The following SV2C variants were observed in gnomAD, a reference collection of about 807,000 sequenced individuals.
SV2C encodes synaptic vesicle glycoprotein 2C.
SV2C carries 49 observed loss-of-function variants against 79.7 expected under a neutral mutation model. That is an observed-to-expected ratio of 0.61 (90% CI 0.49 to 0.78). SV2C has a LOEUF of 0.78. Among genes scored for constraint, SV2C ranks in the 30% least tolerant of loss-of-function variants. The pLI, the probability that SV2C is intolerant of heterozygous loss-of-function variation, is 0.00. For synonymous variants in SV2C, 334 were observed against 333.2 expected (o/e 1.00, Z -0.03); for missense variants, 833 against 912.9 (o/e 0.91, Z 1.13).
chr5:76,149,481 G>A (rs898835316), intron 2 of SV2C, among the ~76,000 whole-genome samples: 2 of 152,206 alleles, frequency 1.3e-5, no homozygotes, highest in East Asian at 1.9e-4. Context: ...GAGTGGTGCT[G>A]TCCTGAGCCT....
chr5:75,969,953 C>G, the SV2C span, among the ~76,000 whole-genome samples: 3 of 152,044 alleles, frequency 2.0e-5, no homozygotes, highest in Non-Finnish European at 4.4e-5. Flanking sequence ...CGTAAAAGAA[C>G]AGAAATTATA....
At chr5:75,964,601 A>G in the SV2C span, among the ~76,000 whole-genome samples, 1 of 152,080 alleles carries the variant, frequency 6.6e-6, no homozygotes, top group African/African-American at 2.4e-5. Flanking sequence ...CCAAGACTGG[A>G]GGATCTCTGG....
chr5:76,272,268 A>G (rs1002011207), intron 4 of SV2C, among the ~76,000 whole-genome samples: 1 of 152,138 alleles, frequency 6.6e-6, no homozygotes, highest in Non-Finnish European at 1.5e-5. Context: ...TGCCCCCGGG[A>G]GAAAAATCTT....
chr5:75,961,602 T>C, the SV2C span, among the ~76,000 whole-genome samples: 1 of 149,990 alleles, frequency 6.7e-6, no homozygotes, highest in African/African-American at 2.5e-5. Flanking sequence ...ACAATTATTT[T>C]TAAAACCTGA....
At chr5:75,931,553 T>C in the SV2C span, among the ~76,000 whole-genome samples, 1 of 152,200 alleles carries the variant, frequency 6.6e-6, no homozygotes, top group Admixed American at 6.5e-5. Flanking sequence ...TTTCCATAAA[T>C]GTTGTTTTGG....
At chr5:76,138,460 G>A (rs1334333930) in intron 2 of SV2C, among the ~76,000 whole-genome samples, 1 of 152,098 alleles carries the variant, frequency 6.6e-6, no homozygotes. Flanking sequence ...ATCACCTGTT[G>A]AACTTTTCAA....
chr5:76,034,742 A>G, the SV2C span, among the ~76,000 whole-genome samples: 1 of 152,200 alleles, frequency 6.6e-6, no homozygotes, highest in Non-Finnish European at 1.5e-5. Context: ...TGCCTTTGGT[A>G]TCAGGATGAT....
chr5:76,274,596 T>A (rs190310123), intron 4 of SV2C, among the ~76,000 whole-genome samples: 1 of 152,226 alleles, frequency 6.6e-6, no homozygotes, highest in East Asian at 1.9e-4. Context: ...TATTCCATTG[T>A]AAGGCTATAC....
the SV2C span, among the ~76,000 whole-genome samples, chr5:76,013,287 G>A: frequency 3.3e-5 from 5 of 151,968 alleles, no homozygotes; most frequent in Non-Finnish European, 5.9e-5. Context: ...TTCTTTGAGC[G>A]GTGGTTTGTA....
intron 2 of SV2C, among the ~76,000 whole-genome samples, chr5:76,168,872 G>C (rs1046322757): frequency 3.9e-5 from 6 of 152,166 alleles, no homozygotes; most frequent in Non-Finnish European, 8.8e-5. Flanking sequence ...GCTCTCAAAG[G>C]CTGACCTGTA....
At chr5:76,155,942 CAAAAAAAAAAAAAA>C (rs56340029) in intron 2 of SV2C, among the ~76,000 whole-genome samples, 14 of 58,098 alleles carry the variant, frequency 2.4e-4, no homozygotes, top group Middle Eastern at 9.8e-3. Flanking sequence ...AGGTTTCTCT[CAAAAAAAAAAAAAA>C]AAAAAAAAAA....
chr5:76,285,489 G>A (rs1747325451), intron 5 of SV2C, 194 bp downstream of exon 5: 3 of 737,508 alleles, frequency 4.1e-6, no homozygotes, highest in African/African-American at 1.8e-5. Context: ...TGGCTAGAAA[G>A]CACTCATGTT....
intron 2 of SV2C, among the ~76,000 whole-genome samples, chr5:76,139,796 C>T (rs1364744704): frequency 1.3e-5 from 2 of 151,550 alleles, no homozygotes; most frequent in African/African-American, 2.4e-5. Context: ...AAAGACAATA[C>T]TTTTACATAT....
At chr5:75,956,795 G>A in the SV2C span, among the ~76,000 whole-genome samples, 2 of 151,924 alleles carry the variant, frequency 1.3e-5, no homozygotes, top group Non-Finnish European at 2.9e-5. Context: ...AAACCTCTGG[G>A]CTTTCAGAAC....
At chr5:75,870,891 CCA>C in the SV2C span, among the ~76,000 whole-genome samples, 1 of 152,162 alleles carries the variant, frequency 6.6e-6, no homozygotes, top group Non-Finnish European at 1.5e-5. Context: ...GAAATATTTT[CCA>C]TTTATTTAAA....
the SV2C span, among the ~76,000 whole-genome samples, chr5:75,873,681 T>C: frequency 1.3e-5 from 2 of 152,124 alleles, no homozygotes; most frequent in Non-Finnish European, 2.9e-5. Flanking sequence ...ACGTCTGTGA[T>C]ACACTTCAAA....
At chr5:75,972,717 A>T in the SV2C span, among the ~76,000 whole-genome samples, 1 of 152,108 alleles carries the variant, frequency 6.6e-6, no homozygotes, top group Non-Finnish European at 1.5e-5. Flanking sequence ...GAACACTTTT[A>T]CACTCTTGGT....
At chr5:76,271,062 T>A (rs944968522) in intron 4 of SV2C, among the ~76,000 whole-genome samples, 1 of 152,148 alleles carries the variant, frequency 6.6e-6, no homozygotes, top group African/African-American at 2.4e-5. Context: ...AGACATCACG[T>A]CTGACCTAAT....
chr5:76,071,175 T>TA, the SV2C span, among the ~76,000 whole-genome samples: 1 of 152,224 alleles, frequency 6.6e-6, no homozygotes, highest in East Asian at 1.9e-4. Context: ...AGCTTAGACC[T>TA]AATGCCAAAA....
Sources: gnomAD v4.1 joint callset for allele counts (sites outside exome capture counted in the v4.1 genomes callset) on GRCh38, gnomAD v4.1.1 for gene constraint, MANE v1.5 for transcripts, NCBI Gene and HGNC (gene_info 2026-07-23, HGNC 2026-07-21) for gene names.